Variants in KAT2B observed in about 807,000 individuals in gnomAD.
KAT2B encodes lysine acetyltransferase 2B, also known as histone acetyltransferase KAT2B.
Under a neutral mutation model 105.9 loss-of-function variants are expected in KAT2B, and 36 were observed. The observed-to-expected ratio is 0.34, with a 90% CI of 0.26 to 0.45. KAT2B has a LOEUF of 0.45. Ranked by LOEUF, KAT2B falls within the 20% of genes least tolerant of loss-of-function variation. KAT2B has a pLI of 1.00. For missense variants in KAT2B, 820 were observed against 1,021.6 expected, an observed-to-expected ratio of 0.80 and a Z score of 2.69; for synonymous variants, 397 against 377.9, an observed-to-expected ratio of 1.05 and a Z score of -0.59.
intron 9 of KAT2B, among the ~76,000 whole-genome samples, chr3:20,125,261 C>A (rs1699379846): frequency 6.8e-6 from 1 of 146,344 alleles, no homozygotes; most frequent in African/African-American, 2.5e-5. Context: ...GCTGAGATAG[C>A]GCCACTGCAG....
chr3:20,136,793 G>A (rs1019072698), intron 11 of KAT2B, 149 bp from the exon 12 acceptor site: 4 of 412,556 alleles, frequency 9.7e-6, no homozygotes, highest in Non-Finnish European at 1.3e-5. Context: ...ACGCAAGAAA[G>A]GGTGTTAATA....
At chr3:20,062,480 T>C (rs1270831150) in intron 1 of KAT2B, among the ~76,000 whole-genome samples, 1 of 135,312 alleles carries the variant, frequency 7.4e-6, no homozygotes, top group Admixed American at 8.3e-5. Context: ...ATATATATAT[T>C]AGAGGTAGTT....
At chr3:20,058,859 C>G (rs533554493) in intron 1 of KAT2B, among the ~76,000 whole-genome samples, 5 of 152,290 alleles carry the variant, frequency 3.3e-5, no homozygotes, top group Non-Finnish European at 7.4e-5. Flanking sequence ...CCATCTTTAT[C>G]TCTTCAAATC....
At chr3:20,149,346 A>G (rs1056104037) in intron 17 of KAT2B, among the ~76,000 whole-genome samples, 1 of 147,840 alleles carries the variant, frequency 6.8e-6, no homozygotes, top group Non-Finnish European at 1.5e-5. Flanking sequence ...AAAGTAAAAA[A>G]TTAGCCAGGT....
At chr3:20,147,559 C>A (rs2125197791) in intron 14 of KAT2B, among the ~76,000 whole-genome samples, 1 of 152,312 alleles carries the variant, frequency 6.6e-6, no homozygotes, top group Admixed American at 6.5e-5. Context: ...TCTTGCATTA[C>A]AAGCAGGGCC....
At chr3:20,048,670 TTTAG>T (rs1265819664) in intron 1 of KAT2B, among the ~76,000 whole-genome samples, 3 of 152,154 alleles carry the variant, frequency 2.0e-5, no homozygotes, top group Non-Finnish European at 4.4e-5. Context: ...TGGCTTCTGA[TTTAG>T]TTAGTCTGTC....
Position 20,154,172 on chromosome 3 carries a change from CATTCTT to C in KAT2B, c.*1650_*1655del, listed in dbSNP as rs1699912249. 6.6e-6 allele frequency: 1 copy of C among 152,544 alleles called. No homozygotes were observed. The highest frequency in any genetic ancestry group is 6.5e-5 in the Admixed American group (1 of 15,270). The allele number at this position is 152,544 out of a possible 1,614,324, so 9.4% of individuals were successfully genotyped here. A position where few individuals can be genotyped will look rare whatever the true frequency, so the allele number is the denominator to read the frequency against. ...GAAAGTTTGTTATTTTCTGAGTAGA[CATTCTT>C]ATAGAGTATTGTCTTTAAAATCAGA... On this transcript the variant is annotated 3_prime_UTR_variant, in exon 18 of 18. Coordinates refer to ENST00000263754, the MANE Select transcript of KAT2B (RefSeq NM_003884.5).
In KAT2B at chr3:20,040,447, C is replaced by G. The variant is rs111595165; in HGVS notation, c.-31C>G. ...CTGGCGGCGGCGGCGGCGCCTGACA[C>G]TCGGCGCCTCCTGCCGTGCTCCGGG... is the stretch of plus-strand genomic sequence containing the variant. On this transcript the variant is annotated 5_prime_UTR_variant, in exon 1 of 18. Transcript: ENST00000263754. 5.5e-6 allele frequency: 6 copies of G among 1,095,198 alleles called. No individual in the cohort carries two copies. The African/African-American group carries it at 6.7e-5, about 12-fold the overall frequency. The allele number at this position is 1,095,198 out of a possible 1,614,324, so 67.8% of individuals were successfully genotyped here.
chr3:20,062,611 G>A (rs1003334294), intron 1 of KAT2B, among the ~76,000 whole-genome samples: 7 of 150,776 alleles, frequency 4.6e-5, no homozygotes, highest in African/African-American at 1.2e-4. Context: ...ACAGGCATGC[G>A]CCGCCACGCC....
chr3:20,105,235 A>G (rs1471264389), intron 5 of KAT2B, among the ~76,000 whole-genome samples: 1 of 152,214 alleles, frequency 6.6e-6, no homozygotes, highest in African/African-American at 2.4e-5. Context: ...ATATACTCCC[A>G]GGAGCAATTG....
At chr3:20,045,317 CTATTTATTTATTTATTTATTTATT>C (rs10538060) in intron 1 of KAT2B, among the ~76,000 whole-genome samples, 30 of 138,082 alleles carry the variant, frequency 2.2e-4, no homozygotes, top group East Asian at 6.5e-4. Flanking sequence ...TGCACCTGGC[CTATTTATTTATTTATTTATTTATT>C]TATTTATTTA....
chr3:20,099,142 T>C (rs1698863202), intron 3 of KAT2B, among the ~76,000 whole-genome samples: 1 of 152,216 alleles, frequency 6.6e-6, no homozygotes, highest in East Asian at 1.9e-4. Context: ...CCCTTTTCTG[T>C]TTGCTCTTTG....
At chr3:20,101,151 GA>G (rs1301705296) in intron 4 of KAT2B, 135 bp from the exon 5 acceptor site, 4 of 680,506 alleles carry the variant, frequency 5.9e-6, no homozygotes, top group African/African-American at 5.4e-5. Flanking sequence ...TTCTTTTAGG[GA>G]AAAGGAAGAG....
intron 1 of KAT2B, 30 bp downstream of exon 1, chr3:20,040,810 T>G: frequency 6.4e-7 from 1 of 1,571,606 alleles, no homozygotes; most frequent in Non-Finnish European, 8.6e-7. Context: ...GGACCGCGGA[T>G]GGGTGCTAGG....
At chr3:20,094,497 G>A (rs193137963) in intron 2 of KAT2B, among the ~76,000 whole-genome samples, 7 of 152,196 alleles carry the variant, frequency 4.6e-5, no homozygotes, top group East Asian at 1.9e-4. Flanking sequence ...TACTAATACC[G>A]ACCGCATGGG....
chr3:20,063,335 C>G (rs1698168798), intron 1 of KAT2B, among the ~76,000 whole-genome samples: 1 of 150,950 alleles, frequency 6.6e-6, no homozygotes, highest in Admixed American at 6.7e-5. Context: ...TGAGCCACCA[C>G]ACCTGGCCGC....
At chr3:20,090,094 A>G (rs1364635949) in intron 2 of KAT2B, among the ~76,000 whole-genome samples, 2 of 152,164 alleles carry the variant, frequency 1.3e-5, no homozygotes. Flanking sequence ...TAGTTTTAAA[A>G]GCTTTTTGGT....
intron 3 of KAT2B, among the ~76,000 whole-genome samples, chr3:20,098,215 G>A (rs931998189): frequency 1.4e-4 from 20 of 146,438 alleles, no homozygotes; most frequent in South Asian, 4.6e-4. Flanking sequence ...GGCCGACAGA[G>A]TGAGACAACG....
chr3:20,061,042 A>G (rs1308509324), intron 1 of KAT2B, among the ~76,000 whole-genome samples: 1 of 152,224 alleles, frequency 6.6e-6, no homozygotes, highest in Non-Finnish European at 1.5e-5. Flanking sequence ...ATTGGTATTA[A>G]GAAATTCACA....
Sources: gnomAD v4.1 joint callset for allele counts (sites outside exome capture counted in the v4.1 genomes callset) on GRCh38, gnomAD v4.1.1 for gene constraint, MANE v1.5 for transcripts, NCBI Gene and HGNC (gene_info 2026-07-23, HGNC 2026-07-21) for gene names.